GRIP1: variants seen among roughly 807,000 people sequenced by gnomAD.
The protein encoded by GRIP1 is glutamate receptor interacting protein 1.
In GRIP1, 45 loss-of-function variants were observed where a neutral mutation model predicts 129.9. That is an observed-to-expected ratio of 0.35 (90% CI 0.27 to 0.44). The LOEUF (loss-of-function observed/expected upper bound fraction) is 0.44, where lower values mean the gene tolerates loss of function less well. GRIP1 is among the 20% of genes least tolerant of loss of function. The pLI is 1.00. For missense variants in GRIP1, 1,196 were observed against 1,396.8 expected, an observed-to-expected ratio of 0.86 and a Z score of 2.29; for synonymous variants, 530 against 520.8, an observed-to-expected ratio of 1.02 and a Z score of -0.24.
At chr12:66,482,269 G>A (rs1242211992) in intron 7 of GRIP1, among the ~76,000 whole-genome samples, 1 of 152,138 alleles carries the variant, frequency 6.6e-6, no homozygotes, top group East Asian at 1.9e-4. Flanking sequence ...CAAGGGAATG[G>A]CAGTGTCAGT....
chr12:66,614,627 T>C (rs1418691348), intron 1 of GRIP1, among the ~76,000 whole-genome samples: 1 of 152,100 alleles, frequency 6.6e-6, no homozygotes, highest in Non-Finnish European at 1.5e-5. Context: ...GAAGTTACCT[T>C]TTAAAAATTA....
intron 19 of GRIP1, among the ~76,000 whole-genome samples, chr12:66,382,314 G>A (rs909940733): frequency 4.6e-5 from 7 of 152,288 alleles, no homozygotes; most frequent in African/African-American, 1.7e-4. Context: ...GAGCCCAGGA[G>A]TTCGAGACCA....
Position 66,605,245 on chromosome 12 carries a change from A to T in GRIP1, c.56-8318T>A, listed in dbSNP as rs558167525. Among the ~76,000 whole-genome samples the T allele has an allele frequency of 2.1e-4, 32 of 152,292 alleles. No homozygotes were observed. In the South Asian group the frequency reaches 6.6e-3, roughly 32 times the overall value. On this transcript the variant is annotated intron_variant, in intron 1 of 24. Transcript: ENST00000359742. ...TCAAAACTGAATCATTTAAACAATTATATCTCTTGACTACTTAAATTGCTT... is the reference window on the plus strand; with the variant it reads ...TCAAAACTGAATCATTTAAACAATTTTATCTCTTGACTACTTAAATTGCTT...
At chr12:66,403,401 TG>T (rs1349068204) in intron 16 of GRIP1, among the ~76,000 whole-genome samples, 2 of 152,166 alleles carry the variant, frequency 1.3e-5, no homozygotes, top group Admixed American at 6.5e-5. Context: ...TTTTGAATAA[TG>T]TTTTTTTTTC....
In GRIP1 at chr12:66,456,352, T is replaced by C. The variant is rs762287473; in HGVS notation, c.1043-10A>G. The C allele has an allele frequency of 3.5e-5, 45 of 1,275,364 alleles. No individual in the cohort carries two copies. Among genetic ancestry groups the C allele is most frequent in the Non-Finnish European group, 4.6e-5 (45 of 978,396 alleles). The allele number at this position is 1,275,364 out of a possible 1,614,324, so 79.0% of individuals were successfully genotyped here. On this transcript the variant is annotated splice_polypyrimidine_tract_variant and intron_variant, in intron 9 of 24. Transcript: ENST00000359742. ...CTCCTCTGAATTTTCACTGCCCATA[T>C]GAAGTGATGATGAAAAATAAGAAAA...
intron 1 of GRIP1, among the ~76,000 whole-genome samples, chr12:67,047,358 C>T (rs1485941839): frequency 6.6e-6 from 1 of 151,996 alleles, no homozygotes; most frequent in South Asian, 2.1e-4. Context: ...TAAAATTTAT[C>T]CACAATCCAA....
chr12:66,390,321 T>C (rs1215571836), intron 19 of GRIP1, among the ~76,000 whole-genome samples: 6 of 152,220 alleles, frequency 3.9e-5, no homozygotes, highest in Non-Finnish European at 7.3e-5. Flanking sequence ...TTGTAAACTC[T>C]AGAGTGTTCT....
chr12:66,941,257 T>C (rs1048065788), intron 1 of GRIP1, among the ~76,000 whole-genome samples: 1 of 152,192 alleles, frequency 6.6e-6, no homozygotes, highest in Non-Finnish European at 1.5e-5. Flanking sequence ...GAGCCTAGAC[T>C]GTAACCCAAA....
intron 1 of GRIP1, among the ~76,000 whole-genome samples, chr12:66,699,606 G>C (rs995108250): frequency 6.6e-6 from 1 of 152,180 alleles, no homozygotes; most frequent in Non-Finnish European, 1.5e-5. Context: ...GTGTGGAACT[G>C]TGAGTTCATT....
At chr12:66,572,978 A>G (rs34840683) in intron 2 of GRIP1, among the ~76,000 whole-genome samples, 2,957 of 152,190 alleles carry the variant, frequency 0.019, 43 homozygotes, top group Non-Finnish European at 0.033. Context: ...GGCATGACCT[A>G]TGGCTTACCT....
rs1220253580 is a variant in GRIP1, at chr12:66,825,302, A to G, written c.59-228375T>C. Among the ~76,000 whole-genome samples, 8 of 152,178 alleles carry G rather than the reference A, an allele frequency of 5.3e-5. No homozygotes were observed. The East Asian group carries it at 1.3e-3, about 26-fold the overall frequency. ...TAATTCATTTAATAGAGATTTCCAC[A>G]TCGTCATTATTACCTTTCTCCATAT... On this transcript the variant is annotated intron_variant, in intron 1 of 1. Coordinates refer to the GRIP1 transcript ENST00000643019.
intron 1 of GRIP1, among the ~76,000 whole-genome samples, chr12:66,918,700 C>T (rs1368986982): frequency 6.6e-6 from 1 of 152,082 alleles, no homozygotes; most frequent in East Asian, 1.9e-4. Flanking sequence ...TACAAGAGCT[C>T]CCTGTTATTT....
At chr12:66,390,534 A>T (rs747316371) in intron 19 of GRIP1, among the ~76,000 whole-genome samples, 1 of 152,186 alleles carries the variant, frequency 6.6e-6, no homozygotes, top group Non-Finnish European at 1.5e-5. Context: ...ATCTTTTACT[A>T]GTGAGGGGCA....
chr12:66,528,880 T>C (rs1175299481), intron 5 of GRIP1, among the ~76,000 whole-genome samples: 1 of 152,140 alleles, frequency 6.6e-6, no homozygotes, highest in Admixed American at 6.6e-5. Flanking sequence ...AGAAAATCTT[T>C]ACAACCAATA....
chr12:66,512,772 A>G (rs2060737332), intron 7 of GRIP1, among the ~76,000 whole-genome samples: 1 of 152,042 alleles, frequency 6.6e-6, no homozygotes, highest in Non-Finnish European at 1.5e-5. Context: ...AACAAATCAG[A>G]TATATTAAAA....
At chr12:66,456,415 T>C (rs1250501558) in intron 9 of GRIP1, 73 bp from the exon 10 acceptor site, 1 of 735,160 alleles carries the variant, frequency 1.4e-6, no homozygotes, top group Non-Finnish European at 2.0e-6. Flanking sequence ...AGAGGAAAAA[T>C]AACTGAATTG....
chr12:67,034,805 C>T (rs1008392486), intron 1 of GRIP1, among the ~76,000 whole-genome samples: 1 of 152,216 alleles, frequency 6.6e-6, no homozygotes, highest in African/African-American at 2.4e-5. Flanking sequence ...TCCATTATGA[C>T]CTTGTGGGAC....
chr12:66,894,114 G>A (rs1268043655), intron 1 of GRIP1, among the ~76,000 whole-genome samples: 1 of 152,106 alleles, frequency 6.6e-6, no homozygotes, highest in African/African-American at 2.4e-5. Context: ...TCATCCATAA[G>A]GTCCAGCCTT....
At chr12:66,693,846 C>T (rs1296737678) in intron 1 of GRIP1, among the ~76,000 whole-genome samples, 2 of 152,260 alleles carry the variant, frequency 1.3e-5, no homozygotes, top group South Asian at 2.1e-4. Flanking sequence ...AAATGAAGGA[C>T]TATGCTCAGG....
Sources: gnomAD v4.1 joint callset for allele counts (sites outside exome capture counted in the v4.1 genomes callset) on GRCh38, gnomAD v4.1.1 for gene constraint, MANE v1.5 for transcripts, NCBI Gene and HGNC (gene_info 2026-07-23, HGNC 2026-07-21) for gene names.